Variants in CDHR2 observed in about 807,000 individuals in gnomAD.
CDHR2 encodes the protein cadherin-related family member 2.
CDHR2 carries 104 observed loss-of-function variants against 138.6 expected under a neutral mutation model. The observed-to-expected ratio is 0.75, with a 90% CI of 0.64 to 0.88. The LOEUF is 0.88. CDHR2 is among the 40% of genes least tolerant of loss of function. CDHR2 has a pLI of 0.00. For synonymous variants in CDHR2, 755 were observed against 742.8 expected (o/e 1.02, Z -0.27); for missense variants, 1,624 against 1,727.6 (o/e 0.94, Z 1.06).
chr5:176,550,690 G>A (rs1003426639), intron 1 of CDHR2, among the ~76,000 whole-genome samples: 1 of 152,240 alleles, frequency 6.6e-6, no homozygotes, highest in African/African-American at 2.4e-5. Flanking sequence ...AGCGGTGGCG[G>A]TGCTGGGGGA....
rs142348519 is a variant in CDHR2, at chr5:176,575,101, G to C, written c.513G>C (p.Gly171=). 21 of 1,614,020 alleles carry C rather than the reference G, an allele frequency of 1.3e-5. No homozygotes were observed. Among genetic ancestry groups the C allele is most frequent in the Middle Eastern group, 3.3e-4 (2 of 6,084 alleles). ...TGCCCCAGGTCATCCCTAGCACTGG[G>C]GACAGCGAGCATCTCTTCCGGATCC... ...YSIEKVIPST[G]DSEHLFRILA... Residue 171 remains glycine (G), a synonymous_variant, in exon 8 of 32, where the codon GGG becomes GGC. Coordinates refer to ENST00000261944, the MANE Select transcript of CDHR2 (RefSeq NM_017675.6).
chr5:176,590,684 A>C lies in CDHR2; in HGVS notation c.3536A>C (p.Lys1179Thr). Residue 1179 changes from lysine to threonine, a missense_variant, in exon 28 of 32, where the codon AAG becomes ACG. Physicochemically the swap from Lys to Thr is moderately conservative, Grantham distance 78. This residue lies in a region of CDHR2 where 556 missense variants were observed against 565.7 expected (regional missense o/e 0.98). Transcript: ENST00000261944. ...IMTMAFVCVR[K>T]SYNRKLQAMK... ...ACCATGGCCTTCGTGTGTGTGCGGA[A>C]GAGGTGCGGCTCCCATTGCCCCCGT... is the stretch of plus-strand genomic sequence containing the variant. The C allele has an allele frequency of 2.5e-6, 4 of 1,613,114 alleles. No individual in the cohort carries two copies. Among genetic ancestry groups the C allele is most frequent in the Non-Finnish European group, 3.4e-6 (4 of 1,180,000 alleles).
intron 16 of CDHR2, 149 bp downstream of exon 16, chr5:176,578,757 A>G: frequency 8.9e-7 from 1 of 1,117,908 alleles, no homozygotes. Context: ...GGAAATGAAG[A>G]AAATTATAGC....
Position 176,589,327 on chromosome 5 carries a change from C to T in CDHR2, c.3009-3C>T. Reference sequence around the variant, plus strand: ...ACTGACCTGCGCCTCCCGCCTTCCGCAGGCCGGTGACCAGCCTCGACTCCA... The same window carrying T: ...ACTGACCTGCGCCTCCCGCCTTCCGTAGGCCGGTGACCAGCCTCGACTCCA... On this transcript the variant is annotated splice_region_variant and splice_polypyrimidine_tract_variant and intron_variant, in intron 22 of 31. Transcript: ENST00000261944. 3 of 1,554,908 alleles carry T rather than the reference C, an allele frequency of 1.9e-6. No individual in the cohort carries two copies. The highest frequency in any genetic ancestry group is 2.6e-6 in the Non-Finnish European group (3 of 1,149,588).
intron 2 of CDHR2, 25 bp downstream of exon 2, chr5:176,565,429 C>T (rs1408489994): frequency 6.8e-6 from 11 of 1,610,648 alleles, no homozygotes; most frequent in African/African-American, 2.7e-5. Flanking sequence ...TCCCCAGCCA[C>T]GCAGCCCTAA....
At chr5:176,547,841 AC>A (rs2113242532), upstream of CDHR2, 1 of 152,290 alleles carries the variant, frequency 6.6e-6, no homozygotes, top group South Asian at 2.1e-4. Context: ...AAATTTTGTT[AC>A]TATGTTTTAC....
Position 176,574,106 on chromosome 5 carries a change from G to A in CDHR2, c.429G>A (p.Val143=), listed in dbSNP as rs754923211. The change falls in exon 7 of 32, where the codon GTG becomes GTA. Residue 143 remains valine (V), a synonymous_variant. Transcript: ENST00000261944. The stretch of plus-strand genomic sequence containing the variant: ...AGACCCTGCCCGTGGGCAGTGTGGT[G>A]TTCTCCGTGCTGGCCGTGGATAAAG... ...INETLPVGSV[V]FSVLAVDKDM... The A allele has an allele frequency of 1.2e-6, 2 of 1,614,090 alleles. No individual in the cohort carries two copies. Among genetic ancestry groups the A allele is most frequent in the Non-Finnish European group, 8.5e-7 (1 of 1,179,962 alleles).
At position 176,565,431 on chromosome 5, in the gene CDHR2, C is replaced by T. The variant is rs371513525; in HGVS notation, c.52+27C>T. 2.1e-5 allele frequency: 34 copies of T among 1,607,988 alleles called. No homozygotes were observed. The African/African-American group carries it at 3.3e-4, about 16-fold the overall frequency. ...TAGGTGTCTCCCCTCCCCAGCCACG[C>T]AGCCCTAACCTAGAGACCCTTGGCA... On this transcript the variant is annotated intron_variant, in intron 2 of 31. Coordinates refer to ENST00000261944, the MANE Select transcript of CDHR2 (RefSeq NM_017675.6).
In CDHR2 at chr5:176,590,641, C is replaced by G; in HGVS notation, c.3493C>G (p.Leu1165Val). The change falls in exon 28 of 32, where the codon CTG becomes GTG. Residue 1165 changes from leucine to valine, a missense_variant. Transcript: ENST00000261944. ...VIIGLGVALL[L>V]VLVIMTMAFV... is the part of the protein sequence containing the mutation. ...CATAGGATTGGGAGTGGCTTTGCTG[C>G]TGGTCCTTGTGATCATGACCATGGC... 1 of 1,613,864 alleles carries G rather than the reference C, an allele frequency of 6.2e-7. No individual in the cohort carries two copies. Among genetic ancestry groups the G allele is most frequent in the Non-Finnish European group, 8.5e-7 (1 of 1,180,016 alleles).
chr5:176,592,174 GTGT>G (rs1758885479), intron 30 of CDHR2, among the ~76,000 whole-genome samples: 1 of 148,180 alleles, frequency 6.7e-6, no homozygotes, highest in African/African-American at 2.5e-5. Context: ...GGTGGTGGTG[GTGT>G]TGGTGTTGAG....
intron 1 of CDHR2, among the ~76,000 whole-genome samples, chr5:176,549,656 C>G (rs1208869727): frequency 6.6e-6 from 1 of 152,152 alleles, no homozygotes; most frequent in Non-Finnish European, 1.5e-5. Flanking sequence ...CCTTCCCATC[C>G]AAGTCCTCAA....
In CDHR2 at chr5:176,578,974, G is replaced by A. The variant is rs573347216; in HGVS notation, c.1818+366G>A. Among the ~76,000 whole-genome samples, 126 of 152,344 alleles carry A rather than the reference G, an allele frequency of 8.3e-4. 1 individual carries two copies. In the South Asian group the frequency reaches 0.015, roughly 18 times the overall value. The stretch of plus-strand genomic sequence containing the variant: ...AAAAGAGAAAATAAAGGTGGCATTT[G>A]TTAAAGGGCACAAGGTAAAATTAGA... On this transcript the variant is annotated intron_variant, in intron 16 of 31. Coordinates refer to ENST00000261944, the MANE Select transcript of CDHR2 (RefSeq NM_017675.6).
At position 176,575,033 on chromosome 5, in the gene CDHR2, T is replaced by C. The variant is rs114648193; in HGVS notation, c.496-51T>C. Reference sequence around the variant, plus strand: ...CCCTGCGTTGCTCAGAGTGGGGTCCTCGGTGCAGGGCTGTCCCTAGGGAGC... The same window carrying C: ...CCCTGCGTTGCTCAGAGTGGGGTCCCCGGTGCAGGGCTGTCCCTAGGGAGC... On this transcript the variant is annotated intron_variant, in intron 7 of 31. Transcript: ENST00000261944. 4,792 of 1,605,970 alleles carry C rather than the reference T, an allele frequency of 3.0e-3. 134 individuals are homozygous for C. In the African/African-American group the frequency reaches 0.058, roughly 19 times the overall value.
Position 176,543,196 on chromosome 5 carries a change from T to C in CDHR2, c.-16+427T>C, listed in dbSNP as rs1757496451. ...CCTCCGCCGGCCCGCGGCCGCCCCC[T>C]ACCGCCGCGTGCTCGCCGGCCCTGC... On this transcript the variant is annotated intron_variant, in intron 1 of 31. Coordinates refer to the CDHR2 transcript ENST00000510636. This position sits in a 1 kb window ranked among gnomAD's most constrained non-coding sequence, Gnocchi z 4.0. Among the ~76,000 whole-genome samples, 1 of 148,140 alleles carries C rather than the reference T, an allele frequency of 6.8e-6. No individual in the cohort carries two copies.
rs753757237 is a variant in CDHR2, at chr5:176,577,485, C to G, written c.1281C>G (p.Ala427=). The G allele has an allele frequency of 5.6e-6, 9 of 1,611,466 alleles. No individual in the cohort carries two copies. In the African/African-American group the frequency reaches 1.1e-4, roughly 19 times the overall value. The change falls in exon 13 of 32, where the codon GCC becomes GCG. Residue 427 remains alanine, a synonymous_variant. Coordinates refer to ENST00000261944, the MANE Select transcript of CDHR2 (RefSeq NM_017675.6). ...SVSPERAVGS[A]SVQVLVRVSA... ...CCCCGGAGCGGGCAGTGGGCTCAGC[C>G]TCCGTTCAGGTGCTGGTGAGAGTAT...
At chr5:176,592,673 A>T (rs769998260) in intron 30 of CDHR2, 50 bp from the exon 31 acceptor site, 1 of 1,539,746 alleles carries the variant, frequency 6.5e-7, no homozygotes, top group South Asian at 1.1e-5. Flanking sequence ...TGGGCACAGT[A>T]AGGGAGGACT....
chr5:176,564,508 G>C (rs12522686), intron 1 of CDHR2, among the ~76,000 whole-genome samples: 64,072 of 152,088 alleles, frequency 0.42, 14,893 homozygotes, highest in Admixed American at 0.53. Flanking sequence ...GCATTGAAAG[G>C]GCCTTGATGT....
intron 1 of CDHR2, among the ~76,000 whole-genome samples, chr5:176,564,473 C>T (rs1028345217): frequency 6.6e-6 from 1 of 152,240 alleles, no homozygotes; most frequent in African/African-American, 2.4e-5. Flanking sequence ...CAGGCGTGAG[C>T]CACCACGCCC....
rs138217807 is a variant in CDHR2, at chr5:176,582,610, C to T, written c.2058+1028C>T. ...ACTGGGCTGGGCAACATAGCGAGAC[C>T]CCATCTCTACTAAAATAAAAAATTA... On this transcript the variant is annotated intron_variant, in intron 17 of 31. Transcript: ENST00000261944. Among the ~76,000 whole-genome samples, 15 of 152,146 alleles carry T rather than the reference C, an allele frequency of 9.9e-5. No individual in the cohort carries two copies. The East Asian group carries it at 2.9e-3, about 29-fold the overall frequency.
Sources: gnomAD v4.1 joint callset for allele counts (sites outside exome capture counted in the v4.1 genomes callset) on GRCh38, gnomAD v4.1.1 for gene constraint, gnomAD v4.1.1 regional missense constraint, Gnocchi (gnomAD v3.1) non-coding constraint, MANE v1.5 for transcripts, NCBI Gene and HGNC (gene_info 2026-07-23, HGNC 2026-07-21) for gene names.